C6orf62: variants seen among roughly 807,000 people sequenced by gnomAD.
C6orf62 encodes the protein chromosome 6 open reading frame 62, also known as uncharacterized protein C6orf62.
A neutral mutation model predicts 26.8 loss-of-function variants in C6orf62; 16 were observed. That is an observed-to-expected ratio of 0.60 (90% CI 0.40 to 0.91). The LOEUF (loss-of-function observed/expected upper bound fraction) is 0.91, where lower values mean the gene tolerates loss of function less well. Ranked by LOEUF, C6orf62 falls within the 40% of genes least tolerant of loss-of-function variation. C6orf62 has a pLI of 0.00. For missense variants in C6orf62, 192 were observed against 271.4 expected (o/e 0.71, Z 2.06); for synonymous variants, 112 against 91.5 (o/e 1.22, Z -1.28).
rs370658837 is a variant in C6orf62, at chr6:24,718,519, C to A, written c.129+21G>T. 9.5e-6 allele frequency: 15 copies of A among 1,578,954 alleles called. No individual in the cohort carries two copies. In the African/African-American group the frequency reaches 1.9e-4, roughly 20 times the overall value. On this transcript the variant is annotated intron_variant, in intron 1 of 4. Transcript: ENST00000378119. ...TACAAAAATTACTTGTGCTAATTCA[C>A]CATTAAGAACTTTAAATTACCTTCT...
Position 24,706,247 on chromosome 6 carries a change from C to T in C6orf62, c.580G>A (p.Ala194Thr), listed in dbSNP as rs780159986. 1 of 1,613,994 alleles carries T rather than the reference C, an allele frequency of 6.2e-7. No individual in the cohort carries two copies. The highest frequency in any genetic ancestry group is 1.7e-5 in the Admixed American group (1 of 59,992). The change falls in exon 5 of 5, where the codon GCT becomes ACT. Residue 194 changes from alanine to threonine, a missense_variant. By Grantham distance (58) the Ala-to-Thr change is moderately conservative. Transcript: ENST00000378119. ...ATGCTGCATAACTTGAAGATTGTAG[C>T]TTTGTTTTTTGGAGTCTGGAAGGGG... ...RQHLQTPKNK[A>T]TIFKLCSICL... is the part of the protein sequence containing the mutation.
chr6:24,707,566 C>T (rs1295935820), intron 4 of C6orf62, among the ~76,000 whole-genome samples: 1 of 152,000 alleles, frequency 6.6e-6, no homozygotes, highest in African/African-American at 2.4e-5. Flanking sequence ...ACTCTGTTGC[C>T]CAGGCTGGTC....
intron 3 of C6orf62, chr6:24,709,697 T>A: frequency 8.1e-6 from 8 of 985,462 alleles, no homozygotes; most frequent in Non-Finnish European, 9.6e-6. Context: ...ATCAATTAAG[T>A]CAGAACACTC....
At chr6:24,714,685 C>T (rs1029974798) in intron 2 of C6orf62, among the ~76,000 whole-genome samples, 8 of 152,122 alleles carry the variant, frequency 5.3e-5, no homozygotes, top group African/African-American at 9.7e-5. Context: ...GTGCAATCTC[C>T]GCTTACTGCA....
rs2127632579 is a variant in C6orf62 at position 24,708,780 on chromosome 6, C to T, written c.561G>A (p.Leu187=). The change falls in exon 4 of 5, where the codon TTG becomes TTA. Residue 187 remains leucine, a synonymous_variant. Coordinates refer to ENST00000378119, the MANE Select transcript of C6orf62 (RefSeq NM_030939.5). ...SVFLFIDRQH[L]QTPKNKATIF... ...GGTTTTCAAAAAAGCTGCTTACCTG[C>T]AAGTGCTGTCTGTCAATGAAGAGAA... The T allele has an allele frequency of 6.2e-7, 1 of 1,614,170 alleles. No individual in the cohort carries two copies. The highest frequency in any genetic ancestry group is 8.5e-7 in the Non-Finnish European group (1 of 1,180,034).
rs200345046 is a variant in C6orf62 at position 24,718,554 on chromosome 6, C to T, written c.115G>A (p.Val39Ile). The change falls in exon 1 of 5, where the codon GTA becomes ATA. Residue 39 changes from valine to isoleucine, a missense_variant. Val to Ile is a conservative substitution (Grantham distance 29). Transcript: ENST00000378119. ...CTTTAAATTACCTTCTCCTTGAATA[C>T]AAAGGCAATATACATCTTGAAGTCA... ...QFDFKMYIAFVFKEKKKKSAL... is the reference protein window; with the variant it reads ...QFDFKMYIAFIFKEKKKKSAL... 6.2e-7 allele frequency: 1 copy of T among 1,608,726 alleles called. No individual in the cohort carries two copies. The highest frequency in any genetic ancestry group is 1.3e-5 in the African/African-American group (1 of 74,744).
intron 2 of C6orf62, among the ~76,000 whole-genome samples, chr6:24,715,464 G>A (rs181050748): frequency 2.0e-5 from 3 of 152,284 alleles, no homozygotes; most frequent in African/African-American, 7.2e-5. Context: ...CAACAAAGTT[G>A]TCCATGTTTT....
At chr6:24,720,737 G>A (rs1323372170), upstream of C6orf62, 2 of 152,410 alleles carry the variant, frequency 1.3e-5, no homozygotes, top group Admixed American at 6.5e-5. Context: ...AGCGGTTGGT[G>A]AGCGTCCGCG....
At chr6:24,706,831 CAGG>C (rs1426476606) in intron 4 of C6orf62, 1 of 153,264 alleles carries the variant, frequency 6.5e-6, no homozygotes, top group Non-Finnish European at 1.5e-5. Flanking sequence ...AACCTGCGCC[CAGG>C]AGGTCAAGGC....
chr6:24,719,925 C>T, upstream of C6orf62: 3 of 1,550,440 alleles, frequency 1.9e-6, no homozygotes, highest in Non-Finnish European at 2.6e-6. Context: ...CAATTCCCGC[C>T]CGGGTGGAGT....
chr6:24,713,981 T>C (rs933731152), intron 3 of C6orf62, among the ~76,000 whole-genome samples: 2 of 152,232 alleles, frequency 1.3e-5, no homozygotes, highest in Non-Finnish European at 2.9e-5. Context: ...AGCAGTTAAA[T>C]ATACGGTTTT....
chr6:24,715,870 A>G (rs9467266), intron 2 of C6orf62, among the ~76,000 whole-genome samples: 24 of 146,338 alleles, frequency 1.6e-4, no homozygotes, highest in African/African-American at 5.5e-4. Context: ...AAAAAAAAAA[A>G]GTCCGAGATC....
intron 1 of C6orf62, among the ~76,000 whole-genome samples, chr6:24,717,640 A>G (rs906750812): frequency 7.2e-5 from 11 of 152,348 alleles, no homozygotes; most frequent in East Asian, 1.9e-4. Flanking sequence ...AACAAAAATA[A>G]TAAGAGTTAA....
upstream of C6orf62, chr6:24,720,726 A>C (rs1198832794): frequency 6.6e-6 from 1 of 152,432 alleles, no homozygotes. Context: ...GGAAAAGCCG[A>C]AGCGGTTGGT....
At chr6:24,707,594 T>A (rs935370404) in intron 4 of C6orf62, among the ~76,000 whole-genome samples, 1 of 151,944 alleles carries the variant, frequency 6.6e-6, no homozygotes, top group African/African-American at 2.4e-5. Flanking sequence ...CAAGCAATCC[T>A]CCCCCATCGG....
intron 3 of C6orf62, 62 bp downstream of exon 3, chr6:24,714,256 C>T: frequency 1.5e-6 from 2 of 1,319,230 alleles, no homozygotes; most frequent in South Asian, 1.5e-5. Flanking sequence ...TCAAGTTAGA[C>T]CCTATTATAT....
Position 24,714,441 on chromosome 6 carries a change from C to T in C6orf62, c.307-1G>A, listed in dbSNP as rs868661164. 6.5e-7 allele frequency: 1 copy of T among 1,548,402 alleles called. No homozygotes were observed. ...TCTCCTGAGTACAGCCAATTACATC[C>T]TATAAAATGATTAAAAAAAAAAAAG... On this transcript the variant is annotated splice_acceptor_variant, in intron 2 of 4. Coordinates refer to ENST00000378119, the MANE Select transcript of C6orf62 (RefSeq NM_030939.5). LOFTEE classifies it high-confidence loss of function.
chr6:24,720,079 T>C (rs932586407), upstream of C6orf62: 12 of 1,186,414 alleles, frequency 1.0e-5, no homozygotes, highest in Non-Finnish European at 1.3e-5. Flanking sequence ...GAACAGACCA[T>C]GTTTCCAGAG....
chr6:24,715,233 T>G (rs1779198095), intron 2 of C6orf62, among the ~76,000 whole-genome samples: 2 of 152,248 alleles, frequency 1.3e-5, no homozygotes, highest in African/African-American at 4.8e-5. Flanking sequence ...GGTCCATAAT[T>G]TCTTCCAGAC....
Sources: allele counts gnomAD v4.1 joint callset (sites outside exome capture counted in the v4.1 genomes callset), GRCh38; gene constraint gnomAD v4.1.1; transcripts MANE v1.5; gene names NCBI Gene and HGNC (gene_info 2026-07-23, HGNC 2026-07-21).